The following GPM6A variants were observed in gnomAD, a reference collection of about 807,000 sequenced individuals.
GPM6A encodes the protein neuronal membrane glycoprotein M6-a.
In GPM6A, 7 loss-of-function variants were observed where a neutral mutation model predicts 32.1. The observed-to-expected ratio is 0.22, with a 90% CI of 0.12 to 0.41. The LOEUF (loss-of-function observed/expected upper bound fraction) is 0.41, where lower values mean the gene tolerates loss of function less well. Among genes scored for constraint, GPM6A ranks in the 10% least tolerant of loss-of-function variants. GPM6A has a pLI of 1.00. For missense variants in GPM6A, 235 were observed against 347.2 expected, an observed-to-expected ratio of 0.68 and a Z score of 2.57; for synonymous variants, 130 against 123.4, an observed-to-expected ratio of 1.05 and a Z score of -0.35.
chr4:175,807,993 A>G (rs1214185844), intron 1 of GPM6A, among the ~76,000 whole-genome samples: 2 of 152,338 alleles, frequency 1.3e-5, no homozygotes, highest in African/African-American at 4.8e-5. Flanking sequence ...GAGTTCATTT[A>G]GGTAAAGTCC....
At chr4:175,638,373 G>T (rs1465832626) in intron 6 of GPM6A, among the ~76,000 whole-genome samples, 1 of 151,960 alleles carries the variant, frequency 6.6e-6, no homozygotes, top group African/African-American at 2.4e-5. Flanking sequence ...ATTTAAGCTA[G>T]TATGGGGTTT....
intron 1 of GPM6A, among the ~76,000 whole-genome samples, chr4:175,752,958 TC>T (rs1396065762): frequency 3.0e-4 from 45 of 152,264 alleles, no homozygotes; most frequent in African/African-American, 9.9e-4. Context: ...GACAGAATGT[TC>T]TCTAGTTTTA....
At chr4:175,773,735 T>A (rs1370126342) in intron 1 of GPM6A, among the ~76,000 whole-genome samples, 1 of 152,034 alleles carries the variant, frequency 6.6e-6, no homozygotes, top group Admixed American at 6.6e-5. Context: ...TACCTCAGAG[T>A]CCTGCACAGT....
intron 1 of GPM6A, among the ~76,000 whole-genome samples, chr4:175,820,541 C>A (rs1735246057): frequency 1.7e-5 from 2 of 120,406 alleles, no homozygotes. Flanking sequence ...TGCTCTGTTG[C>A]CCAGGCTGGA....
chr4:175,955,651 A>T (rs1190044698), intron 1 of GPM6A, among the ~76,000 whole-genome samples: 1 of 152,188 alleles, frequency 6.6e-6, no homozygotes, highest in Non-Finnish European at 1.5e-5. Context: ...CTGTGACATC[A>T]TTTGGCTCTA....
At chr4:175,789,615 T>C (rs982545488) in intron 1 of GPM6A, among the ~76,000 whole-genome samples, 4 of 152,228 alleles carry the variant, frequency 2.6e-5, no homozygotes, top group African/African-American at 7.2e-5. Context: ...TAGGACATGA[T>C]AACTTGCTTT....
chr4:175,817,581 A>G (rs1217426121), intron 1 of GPM6A, among the ~76,000 whole-genome samples: 2 of 152,242 alleles, frequency 1.3e-5, no homozygotes, highest in African/African-American at 4.8e-5. Context: ...CCTAGAAGGT[A>G]CAGTTTGATC....
At chr4:175,685,094 T>A (rs1743905643) in intron 2 of GPM6A, among the ~76,000 whole-genome samples, 1 of 152,130 alleles carries the variant, frequency 6.6e-6, no homozygotes, top group Admixed American at 6.5e-5. Flanking sequence ...TTTCACCACA[T>A]AAGCCAGGAT....
At chr4:175,702,552 T>C (rs1744938463) in intron 1 of GPM6A, among the ~76,000 whole-genome samples, 1 of 152,196 alleles carries the variant, frequency 6.6e-6, no homozygotes, top group Admixed American at 6.5e-5. Context: ...TCTGGCTCTG[T>C]TGCCCAGGTT....
intron 1 of GPM6A, among the ~76,000 whole-genome samples, chr4:175,775,852 G>A (rs554556823): frequency 2.1e-4 from 32 of 152,046 alleles, no homozygotes; most frequent in Admixed American, 7.9e-4. Context: ...AACATGCTGC[G>A]GAAATCCAAG....
intron 1 of GPM6A, among the ~76,000 whole-genome samples, chr4:175,914,524 T>C (rs1038588485): frequency 6.6e-6 from 1 of 152,194 alleles, no homozygotes; most frequent in Non-Finnish European, 1.5e-5. Flanking sequence ...GGTTTCATCA[T>C]GTTGGCCTGG....
chr4:175,838,948 G>A (rs1222164647), intron 1 of GPM6A, among the ~76,000 whole-genome samples: 1 of 152,086 alleles, frequency 6.6e-6, no homozygotes, highest in Non-Finnish European at 1.5e-5. Context: ...ACTGGTGTGA[G>A]CCACCATGCC....
chr4:175,956,854 T>A (rs1207290595), intron 1 of GPM6A, among the ~76,000 whole-genome samples: 1 of 152,192 alleles, frequency 6.6e-6, no homozygotes, highest in Non-Finnish European at 1.5e-5. Context: ...CAAGTAAGAA[T>A]GTCAAGGCAT....
intron 1 of GPM6A, among the ~76,000 whole-genome samples, chr4:175,770,044 G>GT (rs920586930): frequency 6.6e-6 from 1 of 151,926 alleles, no homozygotes; most frequent in Non-Finnish European, 1.5e-5. Flanking sequence ...GTTTTGTTTT[G>GT]TTTTTTGAGA....
At chr4:175,700,302 G>A (rs1431312950) in intron 2 of GPM6A, among the ~76,000 whole-genome samples, 1 of 152,092 alleles carries the variant, frequency 6.6e-6, no homozygotes, top group African/African-American at 2.4e-5. Context: ...AAAATACCTT[G>A]TTCAAGATAA....
At chr4:175,736,399 C>T (rs780557265) in intron 1 of GPM6A, among the ~76,000 whole-genome samples, 7 of 152,102 alleles carry the variant, frequency 4.6e-5, no homozygotes, top group Non-Finnish European at 8.8e-5. Flanking sequence ...TCTTCACCTC[C>T]GAGGATCTAT....
At chr4:175,938,737 CAAA>C (rs3034711) in intron 1 of GPM6A, among the ~76,000 whole-genome samples, 2 of 134,096 alleles carry the variant, frequency 1.5e-5, no homozygotes, top group African/African-American at 3.3e-5. Context: ...AAAGTAAAAC[CAAA>C]AAAAAAAAAG....
At chr4:175,866,721 T>C (rs1736751290) in intron 1 of GPM6A, among the ~76,000 whole-genome samples, 2 of 152,230 alleles carry the variant, frequency 1.3e-5, no homozygotes, top group Admixed American at 1.3e-4. Flanking sequence ...AAAGCTGCTA[T>C]AAAGATCCAT....
intron 1 of GPM6A, among the ~76,000 whole-genome samples, chr4:175,803,968 G>GTT (rs147818827): frequency 1.3e-4 from 19 of 147,320 alleles, no homozygotes; most frequent in Non-Finnish European, 2.5e-4. Flanking sequence ...CTGTAAAATG[G>GTT]TTTTTTTTTT....
Sources: gnomAD v4.1 joint callset for allele counts (sites outside exome capture counted in the v4.1 genomes callset) on GRCh38, gnomAD v4.1.1 for gene constraint, MANE v1.5 for transcripts, NCBI Gene and HGNC (gene_info 2026-07-23, HGNC 2026-07-21) for gene names.